The following SNTG2 variants were observed in gnomAD, a reference collection of about 807,000 sequenced individuals.
The protein encoded by SNTG2 is syntrophin gamma 2.
In SNTG2, 74 loss-of-function variants were observed where a neutral mutation model predicts 70.9. That is an observed-to-expected ratio of 1.04 (90% confidence interval 0.86 to 1.27). The LOEUF is 1.27. Among genes scored for constraint, SNTG2 ranks in the 50% most tolerant of loss-of-function variants. The probability of loss-of-function intolerance (pLI) is 0.00; values close to 1 mark genes in which losing one functional copy is unlikely to be tolerated. For missense variants in SNTG2, 717 were observed against 690.7 expected, an observed-to-expected ratio of 1.04 and a Z score of -0.43; for synonymous variants, 278 against 273.8, an observed-to-expected ratio of 1.02 and a Z score of -0.15.
intron 9 of SNTG2, among the ~76,000 whole-genome samples, chr2:1,222,505 G>A (rs182994790): frequency 4.4e-5 from 6 of 134,922 alleles, no homozygotes; most frequent in Admixed American, 1.5e-4. Context: ...AGTGATGGAG[G>A]GCGTCTCCCT....
chr2:1,232,191 G>A (rs938209066), intron 9 of SNTG2, among the ~76,000 whole-genome samples: 12 of 152,200 alleles, frequency 7.9e-5, no homozygotes, highest in African/African-American at 2.9e-4. Flanking sequence ...AGAGAAGGGT[G>A]AGGAGGTGCC....
chr2:1,350,067 T>C (rs1002895309), intron 16 of SNTG2, among the ~76,000 whole-genome samples: 2 of 152,226 alleles, frequency 1.3e-5, no homozygotes, highest in African/African-American at 4.8e-5. Context: ...AAAAGAAGTA[T>C]GCCCATTTAG....
chr2:1,277,794 C>T (rs1022067168), intron 14 of SNTG2, among the ~76,000 whole-genome samples: 4 of 152,152 alleles, frequency 2.6e-5, no homozygotes, highest in African/African-American at 9.7e-5. Flanking sequence ...CAGGGCTATG[C>T]AGGGGAGGAG....
chr2:1,088,756 G>A (rs1664835740), intron 2 of SNTG2, among the ~76,000 whole-genome samples: 1 of 152,146 alleles, frequency 6.6e-6, no homozygotes, highest in Admixed American at 6.5e-5. Context: ...CTGATTGCCT[G>A]GCTGGCTTTA....
intron 15 of SNTG2, among the ~76,000 whole-genome samples, chr2:1,314,367 C>T (rs1681169002): frequency 6.6e-6 from 1 of 152,238 alleles, no homozygotes; most frequent in Non-Finnish European, 1.5e-5. Flanking sequence ...TGAGACTTAC[C>T]TGAATCTAAG....
At chr2:1,021,108 G>A (rs1030458202) in intron 1 of SNTG2, among the ~76,000 whole-genome samples, 1 of 152,156 alleles carries the variant, frequency 6.6e-6, no homozygotes, top group African/African-American at 2.4e-5. Context: ...AAGGAATCGT[G>A]TTTTGATCTC....
intron 1 of SNTG2, among the ~76,000 whole-genome samples, chr2:1,037,596 G>A (rs1006065232): frequency 6.6e-6 from 1 of 151,972 alleles, no homozygotes; most frequent in Non-Finnish European, 1.5e-5. Flanking sequence ...AGAATCATAG[G>A]ACGTCTGGTG....
chr2:1,164,303 G>A (rs903213121), intron 6 of SNTG2, among the ~76,000 whole-genome samples: 1 of 136,140 alleles, frequency 7.3e-6, no homozygotes, highest in Non-Finnish European at 1.6e-5. Context: ...AGACGAGAGG[G>A]CGGGGTGGGA....
At chr2:1,237,535 A>G (rs180764986) in intron 9 of SNTG2, among the ~76,000 whole-genome samples, 7 of 152,330 alleles carry the variant, frequency 4.6e-5, no homozygotes, top group Admixed American at 3.3e-4. Context: ...GGGCTGCTCC[A>G]GCCTCACCCC....
At chr2:1,245,590 A>G (rs28753814) in intron 11 of SNTG2, among the ~76,000 whole-genome samples, 31,799 of 152,234 alleles carry the variant, frequency 0.21, 4,531 homozygotes, top group African/African-American at 0.4. Flanking sequence ...AACATCAAGC[A>G]TCTGCTAAAT....
At chr2:1,207,886 C>G (rs1673746380) in intron 8 of SNTG2, among the ~76,000 whole-genome samples, 1 of 152,180 alleles carries the variant, frequency 6.6e-6, no homozygotes, top group Non-Finnish European at 1.5e-5. Flanking sequence ...GTGGATTAAC[C>G]AATGTGTAAG....
At chr2:1,323,982 C>T (rs2148275323) in intron 16 of SNTG2, among the ~76,000 whole-genome samples, 1 of 151,954 alleles carries the variant, frequency 6.6e-6, no homozygotes, top group South Asian at 2.1e-4. Context: ...CCCCAGTAGG[C>T]TGGTACATAG....
chr2:1,002,180 A>G (rs1427670841), intron 1 of SNTG2, among the ~76,000 whole-genome samples: 2 of 152,138 alleles, frequency 1.3e-5, no homozygotes, highest in African/African-American at 2.4e-5. Context: ...ATCTAGGAAA[A>G]TCTCTTCTGG....
intron 4 of SNTG2, among the ~76,000 whole-genome samples, chr2:1,126,685 A>G (rs183631051): frequency 3.5e-4 from 53 of 152,180 alleles, no homozygotes; most frequent in Non-Finnish European, 1.2e-4. Flanking sequence ...GGATAAGATA[A>G]TATCTTATTG....
intron 6 of SNTG2, among the ~76,000 whole-genome samples, chr2:1,158,013 G>C (rs182457286): frequency 6.6e-6 from 1 of 152,146 alleles, no homozygotes; most frequent in Admixed American, 6.5e-5. Flanking sequence ...TTGGTACGGG[G>C]CATCCTGTAG....
chr2:1,324,591 A>C (rs1314852267), intron 16 of SNTG2, among the ~76,000 whole-genome samples: 1 of 152,244 alleles, frequency 6.6e-6, no homozygotes, highest in Admixed American at 6.5e-5. Context: ...CAAATAATAA[A>C]AATTCAAAAA....
rs1340457209 is a variant in SNTG2, at chr2:1,306,679, G to GGT, written c.1285-1811_1285-1810dup. Reference sequence around the variant, plus strand: ...ACTGGCTCCAGCCTCCCTCGGCCAGGGTGTGAGTGTGTGTGTGTGTGTGTG... The same window carrying GGT: ...ACTGGCTCCAGCCTCCCTCGGCCAGGGTGTGTGAGTGTGTGTGTGTGTGTGTG... On this transcript the variant is annotated intron_variant, in intron 14 of 16. Coordinates refer to ENST00000308624, the MANE Select transcript of SNTG2 (RefSeq NM_018968.4). 7.8e-5 allele frequency among the ~76,000 whole-genome samples: 6 copies of GGT among 76,646 alleles called. 1 individual carries two copies. In the East Asian group the frequency reaches 2.2e-3, roughly 28 times the overall value. The allele number at this position is 76,646 out of a possible 152,430, so 50.3% of individuals were successfully genotyped here. A position where few individuals can be genotyped will look rare whatever the true frequency, so the allele number is the denominator to read the frequency against.
chr2:1,095,512 G>A (rs1665334422), intron 2 of SNTG2, among the ~76,000 whole-genome samples: 1 of 152,136 alleles, frequency 6.6e-6, no homozygotes, highest in Admixed American at 6.5e-5. Context: ...TGTTAATGGT[G>A]TAATTTTTTT....
intron 1 of SNTG2, among the ~76,000 whole-genome samples, chr2:980,390 A>G (rs972104638): frequency 9.2e-5 from 14 of 152,200 alleles, no homozygotes; most frequent in African/African-American, 3.4e-4. Flanking sequence ...TCTGTTTCCT[A>G]TGGATCTGTG....
Sources: allele counts gnomAD v4.1 joint callset (sites outside exome capture counted in the v4.1 genomes callset), GRCh38; gene constraint gnomAD v4.1.1; transcripts MANE v1.5; gene names NCBI Gene and HGNC (gene_info 2026-07-23, HGNC 2026-07-21).